The following TRAPPC3 variants were observed in gnomAD, a reference collection of about 807,000 sequenced individuals.
TRAPPC3 encodes the protein trafficking protein particle complex 3.
A neutral mutation model predicts 18.2 loss-of-function variants in TRAPPC3; 5 were observed. That is an observed-to-expected ratio of 0.28 (90% CI 0.14 to 0.58). TRAPPC3 has a LOEUF of 0.58. Among genes scored for constraint, TRAPPC3 ranks in the 20% least tolerant of loss-of-function variants. The pLI is 0.91. For synonymous variants in TRAPPC3, 65 were observed against 84.2 expected, an observed-to-expected ratio of 0.77 and a Z score of 1.25; for missense variants, 176 against 225.9, an observed-to-expected ratio of 0.78 and a Z score of 1.41.
intron 1 of TRAPPC3, among the ~76,000 whole-genome samples, chr1:36,142,146 CA>C (rs1331854929): frequency 6.6e-6 from 1 of 151,816 alleles, no homozygotes; most frequent in Admixed American, 6.6e-5. Flanking sequence ...AAAAAATACC[CA>C]AAAAACTTAG....
intron 1 of TRAPPC3, among the ~76,000 whole-genome samples, chr1:36,144,309 A>AAAAAAG (rs1553181270): frequency 0.016 from 2,294 of 142,938 alleles, 123 homozygotes; most frequent in African/African-American, 0.062. Context: ...AAAAAAAAAA[A>AAAAAAG]GGGAGGGCAA....
At position 36,137,616 on chromosome 1, in the gene TRAPPC3, G is replaced by A; in HGVS notation, c.423+180C>T. 4.3e-6 allele frequency: 3 copies of A among 699,204 alleles called. No homozygotes were observed. The South Asian group carries it at 5.9e-5, about 14-fold the overall frequency. 43.3% of individuals were successfully genotyped at this position (699,204 alleles called of 1,614,324 possible). On this transcript the variant is annotated intron_variant, in intron 4 of 4. Transcript: ENST00000373166. ...GCACCACCTTCCACCAGCCTGGTAT[G>A]GAGGAGTATCACCATGTAAAGATGT...
At chr1:36,137,683 G>A (rs1644045163) in intron 4 of TRAPPC3, 113 bp downstream of exon 4, 2 of 1,128,844 alleles carry the variant, frequency 1.8e-6, no homozygotes, top group Non-Finnish European at 2.5e-6. Flanking sequence ...ATCTCAGGCA[G>A]TAAAGCGCTG....
At chr1:36,148,225 C>G (rs1644228792) in intron 1 of TRAPPC3, among the ~76,000 whole-genome samples, 1 of 152,186 alleles carries the variant, frequency 6.6e-6, no homozygotes, top group African/African-American at 2.4e-5. Context: ...CTTTGGGAGC[C>G]TGAACAGGCA....
At chr1:36,153,694 G>A (rs904246177), upstream of TRAPPC3, among the ~76,000 whole-genome samples, 29 of 152,122 alleles carry the variant, frequency 1.9e-4, no homozygotes, top group African/African-American at 5.8e-4. Flanking sequence ...CCCGCCCACC[G>A]CCGTATGTCT....
chr1:36,137,539 C>CTG, intron 4 of TRAPPC3: 2 of 632,428 alleles, frequency 3.2e-6, no homozygotes, highest in South Asian at 4.2e-5. Context: ...ATGAGACTGT[C>CTG]ACCAAATAAG....
At chr1:36,144,289 C>CA (rs58378686) in intron 1 of TRAPPC3, among the ~76,000 whole-genome samples, 217 of 57,426 alleles carry the variant, frequency 3.8e-3, no homozygotes, top group East Asian at 0.02. Flanking sequence ...ACCCTGTCTC[C>CA]AAAAAAAAAA....
chr1:36,140,121 G>C lies in TRAPPC3; in HGVS notation c.88C>G (p.Leu30Val). Residue 30 changes from leucine (L) to valine (V), a missense_variant, in exon 2 of 5, where the codon CTA becomes GTA. Transcript: ENST00000373166. ...TCATCATTTTCATAGTCCTTACATA[G>C]CTGGGTGACCAGGGCACCATAGGTC... ...TLTYGALVTQ[L>V]CKDYENDEDV... 6.2e-7 allele frequency: 1 copy of C among 1,605,514 alleles called. No homozygotes were observed. The highest frequency in any genetic ancestry group is 8.5e-7 in the Non-Finnish European group (1 of 1,177,590).
chr1:36,152,868 T>A (rs895592091), upstream of TRAPPC3, among the ~76,000 whole-genome samples: 2 of 152,140 alleles, frequency 1.3e-5, no homozygotes, highest in African/African-American at 4.8e-5. Flanking sequence ...CCCAGGCTGG[T>A]CTCGAACTCC....
At chr1:36,137,640 G>A (rs1644044526) in intron 4 of TRAPPC3, 156 bp downstream of exon 4, 12 of 801,054 alleles carry the variant, frequency 1.5e-5, no homozygotes, top group Non-Finnish European at 2.3e-5. Context: ...ATGTAAAGAT[G>A]TCCGACTTGG....
At chr1:36,141,730 C>T (rs1328996198) in intron 1 of TRAPPC3, among the ~76,000 whole-genome samples, 1 of 151,828 alleles carries the variant, frequency 6.6e-6, no homozygotes, top group African/African-American at 2.4e-5. Flanking sequence ...AAGTCCGAGG[C>T]GGGCGGATCA....
intron 3 of TRAPPC3, chr1:36,138,217 GA>G (rs1476578072): frequency 6.5e-7 from 1 of 1,546,356 alleles, no homozygotes; most frequent in Admixed American, 2.0e-5. Context: ...TGTTTTCCCA[GA>G]AACATTTTTC....
At chr1:36,144,260 G>A (rs1269410005) in intron 1 of TRAPPC3, among the ~76,000 whole-genome samples, 2 of 118,312 alleles carry the variant, frequency 1.7e-5, no homozygotes, top group Non-Finnish European at 3.2e-5. Context: ...CGCACTCCAG[G>A]CTGGGAGACA....
In TRAPPC3 at chr1:36,137,953, A is replaced by C; in HGVS notation, c.266T>G (p.Ile89Ser). Residue 89 changes from isoleucine (I) to serine (S), a missense_variant, in exon 4 of 5, where the codon ATC becomes AGC. Ile to Ser is a moderately radical substitution (Grantham distance 142). Around this residue, in one of 2 missense-constraint regions of TRAPPC3, gnomAD observed 147 missense variants for 164.3 expected, o/e 0.89. Coordinates refer to ENST00000373166, the MANE Select transcript of TRAPPC3 (RefSeq NM_014408.5). ...AKVAFKMYLG[I>S]TPSITNWSPA... is the part of the protein sequence containing the mutation. ...GCTCCAATTAGTAATGCTTGGAGTG[A>C]TGCCCAAGTACATCTTGAACGCCAC... The C allele has an allele frequency of 6.2e-7, 1 of 1,614,078 alleles. No individual in the cohort carries two copies. Among genetic ancestry groups the C allele is most frequent in the Non-Finnish European group, 8.5e-7 (1 of 1,179,956 alleles).
chr1:36,149,081 GTA>G, intron 1 of TRAPPC3: 1 of 1,396,434 alleles, frequency 7.2e-7, no homozygotes. Context: ...GCAGTTATTG[GTA>G]TTTATTACCG....
At chr1:36,147,331 A>G (rs1644215647) in intron 1 of TRAPPC3, among the ~76,000 whole-genome samples, 1 of 151,116 alleles carries the variant, frequency 6.6e-6, no homozygotes, top group Admixed American at 6.6e-5. Context: ...TCAAAACACA[A>G]AACAAAACAA....
At chr1:36,138,309 C>T (rs533162171) in intron 3 of TRAPPC3, 56 of 1,510,770 alleles carry the variant, frequency 3.7e-5, no homozygotes, top group African/African-American at 1.5e-4. Flanking sequence ...ACTAGTCTTT[C>T]GACACGGTGG....
chr1:36,150,546 C>T (rs1644260659), upstream of TRAPPC3, among the ~76,000 whole-genome samples: 1 of 152,226 alleles, frequency 6.6e-6, no homozygotes, highest in African/African-American at 2.4e-5. Context: ...TAGCCCTCAC[C>T]ATGACAACCA....
chr1:36,154,440 C>T (rs147816342), upstream of TRAPPC3, among the ~76,000 whole-genome samples: 23 of 152,282 alleles, frequency 1.5e-4, no homozygotes, highest in Non-Finnish European at 2.6e-4. Context: ...TCTCCCCATA[C>T]GTGTTCCTGA....
Sources: gnomAD v4.1 joint callset for allele counts (sites outside exome capture counted in the v4.1 genomes callset) on GRCh38, gnomAD v4.1.1 for gene constraint, gnomAD v4.1.1 regional missense constraint, MANE v1.5 for transcripts, NCBI Gene and HGNC (gene_info 2026-07-23, HGNC 2026-07-21) for gene names.